The following CTNNA2 variants were observed in gnomAD, a reference collection of about 807,000 sequenced individuals.
CTNNA2 encodes the protein catenin alpha-2.
Under a neutral mutation model 101.0 loss-of-function variants are expected in CTNNA2, and 42 were observed. That is an observed-to-expected ratio of 0.42 (90% CI 0.32 to 0.54). The LOEUF (loss-of-function observed/expected upper bound fraction) is 0.54, where lower values mean the gene tolerates loss of function less well. Ranked by LOEUF, CTNNA2 falls within the 20% of genes least tolerant of loss-of-function variation. The pLI is 0.14. For missense variants in CTNNA2, 871 were observed against 1,223.1 expected (o/e 0.71, Z 4.29); for synonymous variants, 450 against 456.4 (o/e 0.99, Z 0.18).
chr2:79,906,050 AACAG>A (rs1558629856), intron 6 of CTNNA2, among the ~76,000 whole-genome samples: 1 of 152,162 alleles, frequency 6.6e-6, no homozygotes. Context: ...ATTCTCTAAA[AACAG>A]ACAGAGACAG....
intron 1 of CTNNA2, among the ~76,000 whole-genome samples, chr2:79,621,536 G>A (rs1411196764): frequency 6.6e-6 from 1 of 152,110 alleles, no homozygotes; most frequent in Admixed American, 6.6e-5. Flanking sequence ...AGTAGTATTG[G>A]ATTATAGCCC....
At chr2:80,420,941 A>C (rs538620793) in intron 9 of CTNNA2, among the ~76,000 whole-genome samples, 2 of 152,302 alleles carry the variant, frequency 1.3e-5, no homozygotes, top group South Asian at 4.1e-4. Flanking sequence ...TACAATATCA[A>C]AGCAGTTTTT....
At chr2:80,368,830 T>C (rs942341728) in intron 7 of CTNNA2, among the ~76,000 whole-genome samples, 4 of 143,972 alleles carry the variant, frequency 2.8e-5, no homozygotes, top group South Asian at 2.2e-4. Context: ...TGTATATATA[T>C]ATGTGTGTGT....
chr2:79,919,655 T>G (rs1686517399), intron 7 of CTNNA2, among the ~76,000 whole-genome samples: 1 of 152,206 alleles, frequency 6.6e-6, no homozygotes, highest in African/African-American at 2.4e-5. Context: ...AGCAGCAGGC[T>G]GCACTCCACC....
At chr2:79,875,535 A>C (rs1682953778) in intron 6 of CTNNA2, among the ~76,000 whole-genome samples, 1 of 152,220 alleles carries the variant, frequency 6.6e-6, no homozygotes, top group African/African-American at 2.4e-5. Flanking sequence ...GCAAGAAATA[A>C]CTAGTTAGCA....
At chr2:80,351,229 G>T (rs181670101) in intron 7 of CTNNA2, among the ~76,000 whole-genome samples, 1 of 151,974 alleles carries the variant, frequency 6.6e-6, no homozygotes, top group African/African-American at 2.4e-5. Flanking sequence ...TAAAAATAGG[G>T]AACCAAAAGT....
intron 4 of CTNNA2, among the ~76,000 whole-genome samples, chr2:79,456,613 G>C (rs1337116603): frequency 3.3e-5 from 5 of 152,126 alleles, no homozygotes; most frequent in Non-Finnish European, 7.4e-5. Flanking sequence ...AGATTCTGTT[G>C]CATTTTGTGT....
intron 7 of CTNNA2, among the ~76,000 whole-genome samples, chr2:80,157,361 A>G (rs1018264287): frequency 6.6e-6 from 1 of 152,074 alleles, no homozygotes; most frequent in Non-Finnish European, 1.5e-5. Context: ...GCAGGAATGG[A>G]GCTATCTCAT....
chr2:79,413,398 C>T (rs1403322274), intron 4 of CTNNA2, among the ~76,000 whole-genome samples: 1 of 151,972 alleles, frequency 6.6e-6, no homozygotes, highest in Non-Finnish European at 1.5e-5. Context: ...TCCTCTTCTT[C>T]CTTTTTTGTG....
intron 4 of CTNNA2, among the ~76,000 whole-genome samples, chr2:79,475,803 A>G (rs1671044429): frequency 6.6e-6 from 1 of 152,262 alleles, no homozygotes; most frequent in South Asian, 2.1e-4. Flanking sequence ...AACAGGCCAC[A>G]TTCTACTCTG....
chr2:79,437,920 G>A (rs749117518), intron 4 of CTNNA2, among the ~76,000 whole-genome samples: 2 of 152,140 alleles, frequency 1.3e-5, no homozygotes, highest in African/African-American at 4.8e-5. Flanking sequence ...CTGACAGGCT[G>A]TGATTCCACC....
At chr2:80,162,848 T>C in intron 7 of CTNNA2, 1 of 1,596,002 alleles carries the variant, frequency 6.3e-7, no homozygotes, top group Non-Finnish European at 8.6e-7. Flanking sequence ...AAGAGAAAGA[T>C]CTCTGAATTA....
chr2:80,088,668 G>A (rs926260203), intron 7 of CTNNA2, among the ~76,000 whole-genome samples: 8 of 152,088 alleles, frequency 5.3e-5, no homozygotes, highest in African/African-American at 1.9e-4. Context: ...AAATCAAGAA[G>A]GATTATATGC....
intron 7 of CTNNA2, among the ~76,000 whole-genome samples, chr2:80,209,106 A>G (rs1292833940): frequency 6.6e-6 from 1 of 152,178 alleles, no homozygotes; most frequent in Non-Finnish European, 1.5e-5. Flanking sequence ...GAAACCACCA[A>G]CTACATCTTT....
intron 2 of CTNNA2, among the ~76,000 whole-genome samples, chr2:79,667,419 G>C (rs1217353648): frequency 6.6e-6 from 1 of 152,144 alleles, no homozygotes; most frequent in African/African-American, 2.4e-5. Context: ...TATCCAATAG[G>C]TTGCTTTTAC....
intron 1 of CTNNA2, among the ~76,000 whole-genome samples, chr2:79,649,090 C>T (rs1475045590): frequency 2.0e-5 from 3 of 152,020 alleles, no homozygotes; most frequent in African/African-American, 7.2e-5. Flanking sequence ...TGCTTCTTGG[C>T]TCATAGTTGG....
intron 6 of CTNNA2, among the ~76,000 whole-genome samples, chr2:79,893,990 T>TTTCTTCTTCTTCTTCTTC (rs60336887): frequency 8.7e-6 from 1 of 114,798 alleles, no homozygotes; most frequent in East Asian, 2.6e-4. Context: ...CTTAGGCTGT[T>TTTCTTCTTCTTCTTCTTC]TTCTTCTTCT....
intron 7 of CTNNA2, among the ~76,000 whole-genome samples, chr2:79,983,860 G>T (rs1001113514): frequency 6.6e-6 from 1 of 152,070 alleles, no homozygotes; most frequent in Admixed American, 6.6e-5. Flanking sequence ...TGAAGGGCTA[G>T]CCTGGGAACT....
chr2:80,222,066 A>C (rs759111023), intron 7 of CTNNA2, among the ~76,000 whole-genome samples: 3 of 152,172 alleles, frequency 2.0e-5, no homozygotes, highest in Non-Finnish European at 4.4e-5. Flanking sequence ...AGAATTATGG[A>C]GAGCAAACCA....
Sources: gnomAD v4.1 joint callset for allele counts (sites outside exome capture counted in the v4.1 genomes callset) on GRCh38, gnomAD v4.1.1 for gene constraint, MANE v1.5 for transcripts, NCBI Gene and HGNC (gene_info 2026-07-23, HGNC 2026-07-21) for gene names.